ZNF75D: variants seen among roughly 807,000 people sequenced by gnomAD.
ZNF75D encodes zinc finger protein 75.
ZNF75D carries 33 observed loss-of-function variants against 33.3 expected under a neutral mutation model. The ratio of observed to expected loss-of-function variants is 0.99; its 90% CI spans 0.75 to 1.32. The LOEUF is 1.32. Among genes scored for constraint, ZNF75D ranks in the 40% most tolerant of loss-of-function variants. The pLI is 0.00. For synonymous variants in ZNF75D, 113 were observed against 130.6 expected, an observed-to-expected ratio of 0.87 and a Z score of 0.92; for missense variants, 338 against 367.5, an observed-to-expected ratio of 0.92 and a Z score of 0.66.
chrX:135,321,670 T>C (rs1362200788), intron 1 of ZNF75D, among the ~76,000 whole-genome samples: 1 of 112,030 alleles, frequency 8.9e-6, no homozygotes, highest in African/African-American at 3.3e-5. Flanking sequence ...GAAGCAGAGG[T>C]TGACGCGATG....
chrX:135,332,584 T>C (rs1289456461), intron 1 of ZNF75D, among the ~76,000 whole-genome samples: 3 of 111,860 alleles, frequency 2.7e-5, no homozygotes, highest in African/African-American at 9.8e-5. Context: ...CTGGGAGCAA[T>C]AGACTTTCTT....
downstream of ZNF75D, among the ~76,000 whole-genome samples, chrX:135,283,153 A>G (rs1181994176): frequency 9.0e-6 from 1 of 111,478 alleles, no homozygotes; most frequent in Admixed American, 9.4e-5. Flanking sequence ...GGTTGTCCAG[A>G]TCTAAGAGTG....
At chrX:135,262,144 G>A (rs1238946717) in intron 1 of ZNF75D, among the ~76,000 whole-genome samples, 1 of 112,149 alleles carries the variant, frequency 8.9e-6, no homozygotes, top group Non-Finnish European at 1.9e-5. Flanking sequence ...GGCTTGTAGG[G>A]TTTCTTCCGA....
At chrX:135,299,901 C>T (rs1556424164) in intron 1 of ZNF75D, among the ~76,000 whole-genome samples, 2 of 111,779 alleles carry the variant, frequency 1.8e-5, no homozygotes, top group Non-Finnish European at 3.8e-5. Flanking sequence ...GTTTTGGCAC[C>T]CTTGGTGAAA....
chrX:135,259,850 A>C (rs1419029943), intron 1 of ZNF75D, among the ~76,000 whole-genome samples: 3 of 111,966 alleles, frequency 2.7e-5, no homozygotes, highest in Non-Finnish European at 3.8e-5. Flanking sequence ...AGTGGTGAGA[A>C]AGGGCATACT....
chrX:135,292,004 G>A (rs970571895), intron 4 of ZNF75D, among the ~76,000 whole-genome samples: 5 of 111,692 alleles, frequency 4.5e-5, no homozygotes, highest in African/African-American at 1.6e-4. Context: ...CTTATGAGAG[G>A]GAGGTGGCCC....
chrX:135,284,854 T>C (rs2083935062), downstream of ZNF75D, among the ~76,000 whole-genome samples: 1 of 111,930 alleles, frequency 8.9e-6, no homozygotes, highest in Non-Finnish European at 1.9e-5. Flanking sequence ...TGAGTATAAC[T>C]GCTGGGTCCA....
chrX:135,337,042 C>G (rs2084720815), intron 1 of ZNF75D, among the ~76,000 whole-genome samples: 1 of 111,931 alleles, frequency 8.9e-6, no homozygotes, highest in African/African-American at 3.3e-5. Flanking sequence ...CTTAACCCCA[C>G]AGCACCTAGA....
intron 1 of ZNF75D, among the ~76,000 whole-genome samples, chrX:135,276,641 GC>G (rs1364770927): frequency 9.2e-6 from 1 of 108,774 alleles, no homozygotes; most frequent in Non-Finnish European, 1.9e-5. Context: ...CCTCCCCTAG[GC>G]CCCCACCCCC....
chrX:135,333,479 C>T (rs1556441136), intron 1 of ZNF75D, among the ~76,000 whole-genome samples: 1 of 111,416 alleles, frequency 9.0e-6, no homozygotes, highest in African/African-American at 3.3e-5. Context: ...AAAAATAATC[C>T]ACCACTTTTC....
At chrX:135,263,053 C>T (rs1312154210) in intron 1 of ZNF75D, among the ~76,000 whole-genome samples, 1 of 112,768 alleles carries the variant, frequency 8.9e-6, no homozygotes, top group Non-Finnish European at 1.9e-5. Context: ...AGTCAGGCCC[C>T]TCAGCTGCAG....
At chrX:135,269,691 A>G (rs1270583123) in intron 1 of ZNF75D, among the ~76,000 whole-genome samples, 1 of 111,501 alleles carries the variant, frequency 9.0e-6, no homozygotes, top group Non-Finnish European at 1.9e-5. Context: ...AGTTTGAAGG[A>G]TACTCAAAAT....
intron 1 of ZNF75D, among the ~76,000 whole-genome samples, chrX:135,278,746 T>A (rs1569487007): frequency 8.9e-6 from 1 of 112,300 alleles, no homozygotes; most frequent in Non-Finnish European, 1.9e-5. Context: ...ATTGAGATAA[T>A]CATGTGGTTT....
intron 1 of ZNF75D, among the ~76,000 whole-genome samples, chrX:135,306,298 C>T (rs1204549354): frequency 9.6e-6 from 1 of 104,529 alleles, no homozygotes; most frequent in Non-Finnish European, 2.0e-5. Flanking sequence ...TACACACACA[C>T]ACACACACAC....
chrX:135,300,471 C>T (rs985967917), intron 1 of ZNF75D, among the ~76,000 whole-genome samples: 11 of 111,310 alleles, frequency 9.9e-5, no homozygotes, highest in Non-Finnish European at 1.7e-4. Flanking sequence ...AATTTGGCTG[C>T]GTGCGGTGGC....
chrX:135,294,412 A>G, intron 2 of ZNF75D, among the ~76,000 whole-genome samples, 154 bp from the exon 3 acceptor site: 1 of 112,504 alleles, frequency 8.9e-6, no homozygotes, highest in Non-Finnish European at 1.9e-5. Flanking sequence ...TCATGATTAG[A>G]TTACTCAGGA....
intron 1 of ZNF75D, among the ~76,000 whole-genome samples, chrX:135,300,609 T>C (rs1482322262): frequency 9.1e-6 from 1 of 110,411 alleles, no homozygotes; most frequent in Non-Finnish European, 1.9e-5. Flanking sequence ...TAGCTGGGTG[T>C]GGTGGCACAT....
At chrX:135,271,295 A>G (rs1556416958) in intron 1 of ZNF75D, among the ~76,000 whole-genome samples, 2 of 112,189 alleles carry the variant, frequency 1.8e-5, no homozygotes, top group Middle Eastern at 4.6e-3. Flanking sequence ...TGTAAGTCCA[A>G]GAATTGTGGC....
chrX:135,261,571 G>A (rs909684890), intron 1 of ZNF75D, among the ~76,000 whole-genome samples: 1 of 111,587 alleles, frequency 9.0e-6, no homozygotes, highest in Non-Finnish European at 1.9e-5. Context: ...TGTCTCTTTT[G>A]ATCTTTGTTG....
Sources: gnomAD v4.1 joint callset for allele counts (sites outside exome capture counted in the v4.1 genomes callset) on GRCh38, gnomAD v4.1.1 for gene constraint, MANE v1.5 for transcripts, NCBI Gene and HGNC (gene_info 2026-07-23, HGNC 2026-07-21) for gene names.